FGF14: variants seen among roughly 807,000 people sequenced by gnomAD.
FGF14 encodes fibroblast growth factor homologous factor 4.
A neutral mutation model predicts 25.5 loss-of-function variants in FGF14; 5 were observed. The ratio of observed to expected loss-of-function variants is 0.20; its 90% CI spans 0.10 to 0.41. The LOEUF (loss-of-function observed/expected upper bound fraction) is 0.41. Ranked by LOEUF, FGF14 falls within the 10% of genes least tolerant of loss-of-function variation. FGF14 has a pLI of 1.00. For missense variants in FGF14, 222 were observed against 320.1 expected (o/e 0.69, Z 2.34); for synonymous variants, 138 against 118.3 (o/e 1.17, Z -1.08).
chr13:101,926,320 C>A (rs1199266967), intron 1 of FGF14, among the ~76,000 whole-genome samples: 1 of 152,060 alleles, frequency 6.6e-6, no homozygotes, highest in Non-Finnish European at 1.5e-5. Flanking sequence ...GGTTTCCTAC[C>A]AACATAATTT....
intron 1 of FGF14, among the ~76,000 whole-genome samples, chr13:101,960,297 ATC>A (rs919121142): frequency 6.6e-6 from 1 of 152,254 alleles, no homozygotes; most frequent in Non-Finnish European, 1.5e-5. Flanking sequence ...CCTATAATCC[ATC>A]ACCTAGGTAT....
intron 1 of FGF14, among the ~76,000 whole-genome samples, chr13:101,947,883 A>G (rs2035913861): frequency 6.6e-6 from 1 of 152,254 alleles, no homozygotes; most frequent in African/African-American, 2.4e-5. Context: ...AATATGTAAG[A>G]AGCAATAATA....
At position 101,985,086 on chromosome 13, in the gene FGF14, T is replaced by G. The variant is rs1336035923; in HGVS notation, c.209-109790A>C. 4.7e-3 allele frequency among the ~76,000 whole-genome samples: 704 copies of G among 151,316 alleles called. 4 individuals are homozygous for G. Among genetic ancestry groups the G allele is most frequent in the African/African-American group, 0.016 (645 of 41,410 alleles). ...ATTCAAGGGTTTTTTTTTTGTTTTT[T>G]TTTTTTTTGCCACAACAGCAACAAA... On this transcript the variant is annotated intron_variant, in intron 1 of 4. Coordinates refer to the FGF14 transcript ENST00000376131.
intron 1 of FGF14, among the ~76,000 whole-genome samples, chr13:102,006,785 C>T (rs1238418940): frequency 1.7e-5 from 2 of 114,350 alleles, no homozygotes; most frequent in Admixed American, 1.3e-4. Context: ...TCGCCCAGGT[C>T]GGACTGCGGA....
chr13:101,894,748 GA>G (rs2030369267), intron 1 of FGF14, among the ~76,000 whole-genome samples: 1 of 151,790 alleles, frequency 6.6e-6, no homozygotes, highest in South Asian at 2.1e-4. Flanking sequence ...TAAGATTAAA[GA>G]AAAAAAGGAG....
intron 4 of FGF14, among the ~76,000 whole-genome samples, chr13:101,724,408 C>A (rs1240551394): frequency 1.4e-5 from 2 of 144,014 alleles, no homozygotes; most frequent in Admixed American, 7.1e-5. Context: ...CACTTGGACA[C>A]AGGAAGGGGA....
intron 1 of FGF14, among the ~76,000 whole-genome samples, chr13:102,201,353 C>T (rs181089755): frequency 1.2e-3 from 175 of 152,008 alleles, no homozygotes; most frequent in Admixed American, 2.1e-3. Context: ...TAAAATCTAT[C>T]CGTGAACATG....
chr13:101,934,026 A>G (rs964143492), intron 1 of FGF14, among the ~76,000 whole-genome samples: 9 of 152,326 alleles, frequency 5.9e-5, no homozygotes, highest in Admixed American at 5.9e-4. Context: ...TAAAACTATC[A>G]ACTCTTGTAT....
chr13:101,979,854 G>A (rs1355895692), intron 1 of FGF14, among the ~76,000 whole-genome samples: 2 of 152,156 alleles, frequency 1.3e-5, no homozygotes, highest in Non-Finnish European at 2.9e-5. Context: ...TCACTTTGAT[G>A]ACAATACAGA....
chr13:101,843,529 T>C (rs966494348), intron 3 of FGF14, among the ~76,000 whole-genome samples: 30 of 152,014 alleles, frequency 2.0e-4, no homozygotes, highest in African/African-American at 7.2e-4. Flanking sequence ...TTGAGTAACT[T>C]ATGCATAATA....
chr13:101,874,767 A>G (rs1446426445), intron 2 of FGF14, among the ~76,000 whole-genome samples: 1 of 152,174 alleles, frequency 6.6e-6, no homozygotes, highest in African/African-American at 2.4e-5. Flanking sequence ...AAAACAAAAC[A>G]AAACTATTCC....
intron 1 of FGF14, among the ~76,000 whole-genome samples, chr13:101,935,323 C>T (rs1203989020): frequency 1.3e-5 from 2 of 152,190 alleles, no homozygotes; most frequent in African/African-American, 4.8e-5. Flanking sequence ...TGGCTTCTCA[C>T]ATTCTGCTGA....
chr13:102,323,244 C>A (rs1201207523), intron 1 of FGF14, among the ~76,000 whole-genome samples: 1 of 152,162 alleles, frequency 6.6e-6, no homozygotes, highest in African/African-American at 2.4e-5. Context: ...ACCTTTTAAG[C>A]TGCATTAGTC....
intron 1 of FGF14, chr13:102,293,485 G>A (rs536010805): frequency 2.0e-5 from 3 of 152,296 alleles, no homozygotes; most frequent in South Asian, 2.1e-4. Flanking sequence ...GCATATGGCC[G>A]GCTGCACTTT....
chr13:101,889,445 T>G (rs973945273), intron 1 of FGF14, among the ~76,000 whole-genome samples: 5 of 152,144 alleles, frequency 3.3e-5, no homozygotes, highest in African/African-American at 1.2e-4. Context: ...TATGATATGT[T>G]TTCTAGATTT....
intron 1 of FGF14, among the ~76,000 whole-genome samples, chr13:102,382,427 T>C (rs1362784670): frequency 6.6e-6 from 1 of 152,062 alleles, no homozygotes; most frequent in African/African-American, 2.4e-5. Flanking sequence ...CACAATGACA[T>C]ACTTCACAGC....
At chr13:101,920,691 C>G (rs181953991), upstream of FGF14, among the ~76,000 whole-genome samples, 2 of 152,108 alleles carry the variant, frequency 1.3e-5, no homozygotes, top group Non-Finnish European at 2.9e-5. Context: ...CACCCCCCCA[C>G]AGTGGATGCA....
chr13:102,254,736 G>T (rs1043073026), intron 1 of FGF14, among the ~76,000 whole-genome samples: 2 of 152,298 alleles, frequency 1.3e-5, no homozygotes, highest in East Asian at 1.9e-4. Flanking sequence ...AATGCACGTA[G>T]CATCATCCCT....
chr13:101,797,147 G>A lies in FGF14; in HGVS notation c.409-70337C>T, dbSNP rs2140117352. On this transcript the variant is annotated intron_variant, in intron 3 of 4. Transcript: ENST00000376143. Reference sequence around the variant, plus strand: ...AGACAGTGTGTGTGCAAACACAGTTGTTGTTTCTTTGTAAACTTACTGAAT... The same window carrying A: ...AGACAGTGTGTGTGCAAACACAGTTATTGTTTCTTTGTAAACTTACTGAAT... 2.6e-5 allele frequency among the ~76,000 whole-genome samples: 4 copies of A among 152,212 alleles called. No individual in the cohort carries two copies. In the Middle Eastern group the frequency reaches 0.014, roughly 521 times the overall value.
Sources: allele counts gnomAD v4.1 joint callset (sites outside exome capture counted in the v4.1 genomes callset), GRCh38; gene constraint gnomAD v4.1.1; transcripts MANE v1.5; gene names NCBI Gene and HGNC (gene_info 2026-07-23, HGNC 2026-07-21).